The following OPRM1 variants were observed in gnomAD, a reference collection of about 807,000 sequenced individuals.
The protein encoded by OPRM1 is mu-type opioid receptor.
Under a neutral mutation model 31.8 loss-of-function variants are expected in OPRM1, and 27 were observed. The ratio of observed to expected loss-of-function variants is 0.85; its 90% CI spans 0.63 to 1.17. The LOEUF is 1.17. Among genes scored for constraint, OPRM1 ranks in the 50% most tolerant of loss-of-function variants. The probability of loss-of-function intolerance (pLI) is 0.00; values close to 1 mark genes in which losing one functional copy is unlikely to be tolerated. For missense variants in OPRM1, 536 were observed against 511.1 expected, an observed-to-expected ratio of 1.05 and a Z score of -0.47; for synonymous variants, 196 against 189.9, an observed-to-expected ratio of 1.03 and a Z score of -0.26.
In OPRM1 at chr6:154,040,268, G is replaced by GGTGT. The variant is rs141004316; in HGVS notation, c.290+446_290+449dup. Among the ~76,000 whole-genome samples the GGTGT allele has an allele frequency of 6.0e-3, 904 of 151,198 alleles. 14 individuals carry two copies. Among genetic ancestry groups the GGTGT allele is most frequent in the African/African-American group, 0.021 (859 of 41,262 alleles). On this transcript the variant is annotated intron_variant, in intron 1 of 3. Coordinates refer to ENST00000330432, the MANE Select transcript of OPRM1 (RefSeq NM_000914.5). ...AGCTTTCCCAAATTTGGTTGGGGCC[G>GGTGT]GTGTGTGTGTGTGTGGCGGGGGGAG... is the stretch of plus-strand genomic sequence containing the variant.
At chr6:154,074,925 G>A (rs908855275) in intron 1 of OPRM1, among the ~76,000 whole-genome samples, 5 of 152,084 alleles carry the variant, frequency 3.3e-5, no homozygotes, top group Non-Finnish European at 5.9e-5. Flanking sequence ...TGGAAGAGAG[G>A]CAATATTGGA....
At chr6:154,118,436 TG>T (rs1203022437) in intron 3 of OPRM1, among the ~76,000 whole-genome samples, 7 of 152,184 alleles carry the variant, frequency 4.6e-5, no homozygotes, top group Non-Finnish European at 1.0e-4. Context: ...CTCTCTATAA[TG>T]ACTAGTATAC....
upstream of OPRM1, among the ~76,000 whole-genome samples, chr6:154,035,478 A>T (rs866296386): frequency 2.0e-5 from 3 of 152,158 alleles, no homozygotes; most frequent in Non-Finnish European, 2.9e-5. Flanking sequence ...CTATAAACAA[A>T]TACATAAAAT....
intron 1 of OPRM1, among the ~76,000 whole-genome samples, chr6:154,052,103 C>T (rs1583242857): frequency 6.6e-6 from 1 of 152,230 alleles, no homozygotes; most frequent in African/African-American, 2.4e-5. Context: ...TGCATGTTCT[C>T]ACTCATAAGT....
At chr6:154,030,951 C>A (rs901562718) in intron 1 of OPRM1, among the ~76,000 whole-genome samples, 1 of 152,094 alleles carries the variant, frequency 6.6e-6, no homozygotes, top group African/African-American at 2.4e-5. Context: ...CTCTCTGAAC[C>A]TGCAAATGGA....
At chr6:154,055,590 C>T (rs1028101931) in intron 1 of OPRM1, among the ~76,000 whole-genome samples, 3 of 152,116 alleles carry the variant, frequency 2.0e-5, no homozygotes, top group African/African-American at 7.2e-5. Flanking sequence ...CTCCTAAGTT[C>T]TGCAGAGAAG....
chr6:154,091,538 A>G (rs971147094), intron 3 of OPRM1, 66 bp downstream of exon 3: 3 of 1,523,014 alleles, frequency 2.0e-6, no homozygotes, highest in South Asian at 2.6e-5. Flanking sequence ...GCTTTGTGCT[A>G]AACTAGGAGT....
intron 1 of OPRM1, chr6:154,011,032 C>T: frequency 7.8e-7 from 1 of 1,289,684 alleles, no homozygotes. Context: ...GGGTACAGCT[C>T]ATTTATTTTG....
In OPRM1 at chr6:154,203,206, A is replaced by G. The variant is rs148251776; in HGVS notation, c.1165-43487A>G. Among the ~76,000 whole-genome samples, 284 of 152,288 alleles carry G rather than the reference A, an allele frequency of 1.9e-3. 1 individual carries two copies. The highest frequency in any genetic ancestry group is 6.5e-3 in the African/African-American group (270 of 41,568). On this transcript the variant is annotated intron_variant, in intron 3 of 3. Transcript: ENST00000337049. The stretch of plus-strand genomic sequence containing the variant: ...TCAAATGAAAGCAGAAGGCAGTGCT[A>G]GTCTCTCCTCTCCGCCCCACCTCTA...
At chr6:154,092,695 C>T (rs759756707) in intron 3 of OPRM1, among the ~76,000 whole-genome samples, 4 of 152,210 alleles carry the variant, frequency 2.6e-5, no homozygotes, top group African/African-American at 4.8e-5. Context: ...CCAGGCTCAA[C>T]CTTTCTAATT....
intron 3 of OPRM1, among the ~76,000 whole-genome samples, chr6:154,236,746 G>A (rs1780166452): frequency 6.6e-6 from 1 of 152,126 alleles, no homozygotes; most frequent in South Asian, 2.1e-4. Context: ...CAGACATAGA[G>A]GCGAGGCCCA....
At chr6:154,098,666 C>A (rs1427589810) in intron 3 of OPRM1, among the ~76,000 whole-genome samples, 1 of 152,124 alleles carries the variant, frequency 6.6e-6, no homozygotes, top group East Asian at 1.9e-4. Flanking sequence ...TATCACAAAC[C>A]AGCTGTTAAC....
At chr6:154,156,165 T>C (rs997508059) in intron 3 of OPRM1, 1 of 152,258 alleles carries the variant, frequency 6.6e-6, no homozygotes, top group Non-Finnish European at 1.5e-5. Context: ...CACAGCATGA[T>C]TAGGTGAAAC....
At chr6:154,133,382 A>C (rs1168605734), downstream of OPRM1, among the ~76,000 whole-genome samples, 1 of 152,192 alleles carries the variant, frequency 6.6e-6, no homozygotes, top group Non-Finnish European at 1.5e-5. Flanking sequence ...ATGGTATTCA[A>C]GGGCCTTCAT....
At chr6:154,159,690 A>G (rs1798856496) in intron 3 of OPRM1, 3 of 675,880 alleles carry the variant, frequency 4.4e-6, no homozygotes, top group African/African-American at 1.8e-5. Flanking sequence ...ATCTTCATCT[A>G]ACGTGCATCT....
intron 3 of OPRM1, among the ~76,000 whole-genome samples, chr6:154,170,052 T>C (rs192262050): frequency 1.9e-4 from 29 of 152,310 alleles, no homozygotes; most frequent in African/African-American, 6.7e-4. Context: ...CATGTTAAGC[T>C]ACCCTGGCTT....
chr6:154,158,532 G>C (rs749576785), intron 3 of OPRM1: 5 of 152,168 alleles, frequency 3.3e-5, no homozygotes, highest in Non-Finnish European at 7.4e-5. Flanking sequence ...CTGGTTAAAA[G>C]AGTGACTTAC....
At chr6:154,212,827 A>T in intron 3 of OPRM1, 1 of 1,613,492 alleles carries the variant, frequency 6.2e-7, no homozygotes, top group Non-Finnish European at 8.5e-7. Flanking sequence ...CTATTTCTGG[A>T]TCTTCCTGTT....
chr6:154,060,008 C>T (rs1265224668), intron 1 of OPRM1, among the ~76,000 whole-genome samples: 1 of 152,174 alleles, frequency 6.6e-6, no homozygotes, highest in Non-Finnish European at 1.5e-5. Context: ...GCCTTTTCCT[C>T]TTCCCAATTT....
Sources: allele counts gnomAD v4.1 joint callset (sites outside exome capture counted in the v4.1 genomes callset), GRCh38; gene constraint gnomAD v4.1.1; transcripts MANE v1.5; gene names NCBI Gene and HGNC (gene_info 2026-07-23, HGNC 2026-07-21).